PPP2R2A: variants seen among roughly 807,000 people sequenced by gnomAD.
PPP2R2A encodes the protein protein phosphatase 2 regulatory subunit Balpha, also known as serine/threonine-protein phosphatase 2A 55 kDa regulatory subunit B alpha isoform.
A neutral mutation model predicts 53.2 loss-of-function variants in PPP2R2A; 9 were observed. That is an observed-to-expected ratio of 0.17 (90% confidence interval 0.10 to 0.30). The LOEUF is 0.30. Ranked by LOEUF, PPP2R2A falls within the 10% of genes least tolerant of loss-of-function variation. PPP2R2A has a pLI of 1.00. For synonymous variants in PPP2R2A, 169 were observed against 174.2 expected (o/e 0.97, Z 0.23); for missense variants, 235 against 534.6 (o/e 0.44, Z 5.53).
chr8:26,321,322 C>G lies in PPP2R2A; in HGVS notation c.83-17568C>G, dbSNP rs1802829378. Among the ~76,000 whole-genome samples, 1 of 152,078 alleles carries G rather than the reference C, an allele frequency of 6.6e-6. No homozygotes were observed. Among genetic ancestry groups the G allele is most frequent in the Non-Finnish European group, 1.5e-5 (1 of 68,022 alleles). On this transcript the variant is annotated intron_variant, in intron 2 of 9. Coordinates refer to ENST00000380737, the MANE Select transcript of PPP2R2A (RefSeq NM_002717.4). This position sits in a 1 kb window ranked among gnomAD's most constrained non-coding sequence, Gnocchi z 4.1. ...AGAAATGTGACCAGAGAAATGTGAC[C>G]TGAGAGAGAAGCACAAAGTTGAAAC...
chr8:26,323,807 T>C (rs1201093152), intron 2 of PPP2R2A, among the ~76,000 whole-genome samples: 1 of 152,160 alleles, frequency 6.6e-6, no homozygotes, highest in African/African-American at 2.4e-5. Context: ...GATTAAGTCA[T>C]TGGCCGTTTG....
intron 2 of PPP2R2A, among the ~76,000 whole-genome samples, chr8:26,313,082 A>T (rs1232158394): frequency 6.8e-6 from 1 of 146,300 alleles, no homozygotes; most frequent in African/African-American, 2.5e-5. Context: ...TCTGTCGCCC[A>T]GGCTGGAGTG....
intron 9 of PPP2R2A, among the ~76,000 whole-genome samples, chr8:26,367,545 T>C (rs778473874): frequency 3.3e-5 from 5 of 152,356 alleles, no homozygotes; most frequent in Non-Finnish European, 5.9e-5. Flanking sequence ...TGACCCAGGT[T>C]CCCCTGTCGC....
At chr8:26,365,138 C>A (rs1173872995) in intron 8 of PPP2R2A, 1 of 152,130 alleles carries the variant, frequency 6.6e-6, no homozygotes, top group Non-Finnish European at 1.5e-5. Flanking sequence ...GATAATCTAC[C>A]TAATTTTACC....
intron 8 of PPP2R2A, 81 bp from the exon 9 acceptor site, chr8:26,366,234 C>A: frequency 9.4e-7 from 1 of 1,059,450 alleles, no homozygotes; most frequent in Non-Finnish European, 1.4e-6. Flanking sequence ...TCTGTATATG[C>A]CCTTTTTTTC....
intron 2 of PPP2R2A, among the ~76,000 whole-genome samples, chr8:26,296,618 A>G (rs886301490): frequency 2.0e-5 from 3 of 152,246 alleles, no homozygotes; most frequent in African/African-American, 7.2e-5. Context: ...TACATACTAC[A>G]GAGTTTAGTG....
At chr8:26,341,577 G>A (rs1049276686) in intron 3 of PPP2R2A, among the ~76,000 whole-genome samples, 1 of 152,138 alleles carries the variant, frequency 6.6e-6, no homozygotes, top group Non-Finnish European at 1.5e-5. Context: ...TCATTTAGTA[G>A]CAAAAATCAG....
At chr8:26,336,854 CT>C (rs770199536) in intron 2 of PPP2R2A, among the ~76,000 whole-genome samples, 392 of 140,982 alleles carry the variant, frequency 2.8e-3, no homozygotes, top group Non-Finnish European at 2.6e-3. Flanking sequence ...GTCAAAAGGC[CT>C]TTTTTTTTTT....
In PPP2R2A at chr8:26,372,331, CT is replaced by C; in HGVS notation, c.*1920del. ...GCCACAAGTGTCAAACAGTGATATT[CT>C]TCCTGTGTTGTGACTGGACAGTTTT... On this transcript the variant is annotated 3_prime_UTR_variant, in exon 10 of 10. Transcript: ENST00000380737. The C allele has an allele frequency of 6.6e-6, 1 of 152,276 alleles. No homozygotes were observed. The highest frequency in any genetic ancestry group is 1.5e-5 in the Non-Finnish European group (1 of 68,016). 9.4% of individuals were successfully genotyped at this position (152,276 alleles called of 1,614,324 possible). A position where few individuals can be genotyped will look rare whatever the true frequency, so the allele number is the denominator to read the frequency against.
At position 26,370,093 on chromosome 8, in the gene PPP2R2A, T is replaced by C. The variant is rs1450301714; in HGVS notation, c.1065-41T>C. The C allele has an allele frequency of 1.9e-6, 3 of 1,572,458 alleles. No individual in the cohort carries two copies. The East Asian group carries it at 6.8e-5, about 36-fold the overall frequency. ...ATCATTTTACTTGAAAACAATTTCT[T>C]GTTCTGCTTGTTTGACTGAGTGTAC... On this transcript the variant is annotated intron_variant, in intron 9 of 9. Coordinates refer to ENST00000380737, the MANE Select transcript of PPP2R2A (RefSeq NM_002717.4). The surrounding 1 kb of genome is among the most constrained non-coding windows in gnomAD (Gnocchi z 6.1).
intron 3 of PPP2R2A, among the ~76,000 whole-genome samples, chr8:26,345,172 A>G (rs1461844613): frequency 2.0e-5 from 3 of 152,186 alleles, no homozygotes; most frequent in Non-Finnish European, 4.4e-5. Context: ...TGCTCAACCT[A>G]TCCCCAAGAA....
chr8:26,296,873 C>T lies in PPP2R2A; in HGVS notation c.82+3133C>T, dbSNP rs181221987. ...TTTAAAACGCTTTCTGCAGAATCAT[C>T]GGTAGGCTTTTTATAACCAGATTGA... is the stretch of plus-strand genomic sequence containing the variant. On this transcript the variant is annotated intron_variant, in intron 2 of 9. Coordinates refer to ENST00000380737, the MANE Select transcript of PPP2R2A (RefSeq NM_002717.4). 9.2e-5 allele frequency among the ~76,000 whole-genome samples: 14 copies of T among 152,226 alleles called. No individual in the cohort carries two copies. In the East Asian group the frequency reaches 1.7e-3, roughly 19 times the overall value.
chr8:26,364,919 G>A (rs1026618234), intron 8 of PPP2R2A, among the ~76,000 whole-genome samples: 1 of 152,198 alleles, frequency 6.6e-6, no homozygotes, highest in Admixed American at 6.5e-5. Context: ...GCTAACTGCA[G>A]ATTTGGGTAT....
intron 2 of PPP2R2A, among the ~76,000 whole-genome samples, chr8:26,314,103 G>A (rs1563290834): frequency 6.6e-6 from 1 of 152,114 alleles, no homozygotes; most frequent in Non-Finnish European, 1.5e-5. Context: ...GCCTTCTAAT[G>A]TAATTTTCCA....
intron 2 of PPP2R2A, chr8:26,333,511 A>C: frequency 8.1e-7 from 1 of 1,230,440 alleles, no homozygotes; most frequent in East Asian, 5.8e-5. Context: ...CATAGTCCTC[A>C]AGTGGAATTA....
chr8:26,339,269 G>A lies in PPP2R2A; in HGVS notation c.180+282G>A, dbSNP rs1300447150. Among the ~76,000 whole-genome samples, 7 of 152,068 alleles carry A rather than the reference G, an allele frequency of 4.6e-5. No individual in the cohort carries two copies. The East Asian group carries it at 1.3e-3, about 29-fold the overall frequency. Reference sequence around the variant, plus strand: ...TGATGGAATAATCCAAGATTTTAACGGTTTTGAAGCCTTGGCCCTTCATTA... The same window carrying A: ...TGATGGAATAATCCAAGATTTTAACAGTTTTGAAGCCTTGGCCCTTCATTA... On this transcript the variant is annotated intron_variant, in intron 3 of 9. Coordinates refer to ENST00000380737, the MANE Select transcript of PPP2R2A (RefSeq NM_002717.4).
chr8:26,362,669 T>C lies in PPP2R2A; in HGVS notation c.638-15T>C. The stretch of plus-strand genomic sequence containing the variant: ...TTTTTTCTAAGTGGAAATTCCTTAA[T>C]AAAATGTTATCTAGACATTGTGGAT... On this transcript the variant is annotated splice_polypyrimidine_tract_variant and intron_variant, in intron 6 of 9. Coordinates refer to ENST00000380737, the MANE Select transcript of PPP2R2A (RefSeq NM_002717.4). This position sits in a 1 kb window ranked among gnomAD's most constrained non-coding sequence, Gnocchi z 4.4. 2 of 1,609,144 alleles carry C rather than the reference T, an allele frequency of 1.2e-6. No homozygotes were observed. The highest frequency in any genetic ancestry group is 1.7e-6 in the Non-Finnish European group (2 of 1,176,978).
intron 9 of PPP2R2A, among the ~76,000 whole-genome samples, 193 bp from the exon 10 acceptor site, chr8:26,369,941 T>C (rs1439825209): frequency 6.6e-6 from 1 of 152,218 alleles, no homozygotes; most frequent in Non-Finnish European, 1.5e-5. Flanking sequence ...ATAAAAAGAA[T>C]AAGCAGAAAA....
At chr8:26,304,191 G>A (rs928672154) in intron 2 of PPP2R2A, among the ~76,000 whole-genome samples, 1 of 120,588 alleles carries the variant, frequency 8.3e-6, no homozygotes, top group African/African-American at 3.0e-5. Flanking sequence ...TTTTCTTACC[G>A]GTCCTCTTAT....
Sources: allele counts gnomAD v4.1 joint callset (sites outside exome capture counted in the v4.1 genomes callset), GRCh38; gene constraint gnomAD v4.1.1; non-coding constraint Gnocchi (gnomAD v3.1); transcripts MANE v1.5; gene names NCBI Gene and HGNC (gene_info 2026-07-23, HGNC 2026-07-21).